Variants in SLC30A7 observed in about 807,000 individuals in gnomAD.
SLC30A7 encodes the protein zinc transporter 7.
SLC30A7 carries 35 observed loss-of-function variants against 46.0 expected under a neutral mutation model. The ratio of observed to expected loss-of-function variants is 0.76; its 90% CI spans 0.58 to 1.01. SLC30A7 has a LOEUF of 1.01. SLC30A7 is among the 50% of genes least tolerant of loss of function. The pLI, the probability that SLC30A7 is intolerant of heterozygous loss-of-function variation, is 0.00. For synonymous variants in SLC30A7, 147 were observed against 157.8 expected, an observed-to-expected ratio of 0.93 and a Z score of 0.51; for missense variants, 464 against 451.1, an observed-to-expected ratio of 1.03 and a Z score of -0.26.
intron 8 of SLC30A7, among the ~76,000 whole-genome samples, chr1:100,951,778 A>G (rs1654969359): frequency 6.6e-6 from 1 of 152,212 alleles, no homozygotes; most frequent in Non-Finnish European, 1.5e-5. Flanking sequence ...TAGGGTAAGA[A>G]GAATGGCTGG....
chr1:100,912,252 G>A lies in SLC30A7; in HGVS notation c.511+14G>A, dbSNP rs1401452764. The A allele has an allele frequency of 1.2e-6, 2 of 1,606,796 alleles. No homozygotes were observed. Among genetic ancestry groups the A allele is most frequent in the African/African-American group, 1.3e-5 (1 of 74,516 alleles). On this transcript the variant is annotated intron_variant, in intron 5 of 10. Transcript: ENST00000357650. ...CTCATGGCTCTGGTATGATGGTTAG[G>A]ACACTTTGTTTCTTCATTTTCTACT...
chr1:100,907,508 A>G (rs930571672), intron 3 of SLC30A7, among the ~76,000 whole-genome samples: 1 of 152,174 alleles, frequency 6.6e-6, no homozygotes, highest in African/African-American at 2.4e-5. Context: ...TGGAGGAAGC[A>G]GTGGATTTTT....
Position 100,971,521 on chromosome 1 carries a change from A to C in SLC30A7, c.1084-3289A>C, listed in dbSNP as rs1013458653. On this transcript the variant is annotated intron_variant, in intron 10 of 10. Coordinates refer to ENST00000357650, the MANE Select transcript of SLC30A7 (RefSeq NM_133496.5). ...TCCCTAGGTTTATTGTTTTTAAGTA[A>C]TCCATATGATTTAAGTGTTCACTGG... 3.3e-5 allele frequency among the ~76,000 whole-genome samples: 5 copies of C among 152,200 alleles called. No individual in the cohort carries two copies. In the East Asian group the frequency reaches 9.7e-4, roughly 29 times the overall value.
chr1:100,961,784 A>G, intron 8 of SLC30A7, 44 bp from the exon 9 acceptor site: 1 of 1,206,762 alleles, frequency 8.3e-7, no homozygotes, highest in Non-Finnish European at 1.2e-6. Flanking sequence ...GGATGGGATT[A>G]GCAGAATGTG....
intron 8 of SLC30A7, among the ~76,000 whole-genome samples, chr1:100,939,902 T>A (rs528723971): frequency 6.6e-6 from 1 of 151,862 alleles, no homozygotes; most frequent in African/African-American, 2.4e-5. Context: ...TTATAAAAGT[T>A]TTAAAATATT....
rs367629804 is a variant in SLC30A7, at chr1:100,965,859, G to A, written c.1024G>A (p.Val342Ile). 1.2e-6 allele frequency: 2 copies of A among 1,613,792 alleles called. No homozygotes were observed. Among genetic ancestry groups the A allele is most frequent in the African/African-American group, 2.7e-5 (2 of 74,920 alleles). ...DVYVGTLKLI[V>I]APDADARWIL... Reference sequence around the variant, plus strand: ...TTATGTTGGGACCTTGAAATTAATAGTAGCACCTGATGCTGATGCTAGGTG... The same window carrying A: ...TTATGTTGGGACCTTGAAATTAATAATAGCACCTGATGCTGATGCTAGGTG... Residue 342 changes from valine to isoleucine, a missense_variant, in exon 10 of 11, where the codon GTA becomes ATA. Coordinates refer to ENST00000357650, the MANE Select transcript of SLC30A7 (RefSeq NM_133496.5).
intron 9 of SLC30A7, 118 bp from the exon 10 acceptor site, chr1:100,965,651 T>C (rs1655816979): frequency 1.2e-6 from 1 of 810,936 alleles, no homozygotes; most frequent in South Asian, 1.6e-5. Flanking sequence ...AACATCCTCC[T>C]TTCCTTTTTT....
intron 8 of SLC30A7, chr1:100,941,558 A>G (rs745526349): frequency 7.3e-5 from 41 of 562,852 alleles, no homozygotes; most frequent in African/African-American, 1.3e-4. Flanking sequence ...CATGATTTCA[A>G]TCACTTCAGT....
At chr1:100,954,049 G>T (rs1427891639) in intron 8 of SLC30A7, among the ~76,000 whole-genome samples, 1 of 152,134 alleles carries the variant, frequency 6.6e-6, no homozygotes, top group Non-Finnish European at 1.5e-5. Flanking sequence ...TCAAACAAGG[G>T]CTGGTTTAGA....
rs561923492 is a variant in SLC30A7 at position 100,908,261 on chromosome 1, C to T, written c.296+1296C>T. 1.1e-3 allele frequency among the ~76,000 whole-genome samples: 166 copies of T among 152,178 alleles called. 1 individual carries two copies. The highest frequency in any genetic ancestry group is 3.8e-3 in the African/African-American group (156 of 41,538). Reference sequence around the variant, plus strand: ...GCTTGGCTTCTTTCTTTAGCAGGCACACACTCTTTCTTTCACATGCTCTTG... The same window carrying T: ...GCTTGGCTTCTTTCTTTAGCAGGCATACACTCTTTCTTTCACATGCTCTTG... On this transcript the variant is annotated intron_variant, in intron 3 of 10. Coordinates refer to ENST00000357650, the MANE Select transcript of SLC30A7 (RefSeq NM_133496.5).
At chr1:100,909,944 T>C (rs1324334666) in intron 3 of SLC30A7, among the ~76,000 whole-genome samples, 1 of 150,762 alleles carries the variant, frequency 6.6e-6, no homozygotes, top group Non-Finnish European at 1.5e-5. Context: ...TTGCAAATTA[T>C]TTGAATTTAA....
At chr1:100,932,998 A>G (rs1653750701) in intron 8 of SLC30A7, among the ~76,000 whole-genome samples, 1 of 141,010 alleles carries the variant, frequency 7.1e-6, no homozygotes, top group Non-Finnish European at 1.5e-5. Context: ...TTTTTTTGAG[A>G]CGGAGTCTCG....
At chr1:100,952,314 T>A (rs964356354) in intron 8 of SLC30A7, among the ~76,000 whole-genome samples, 1 of 152,238 alleles carries the variant, frequency 6.6e-6, no homozygotes, top group Non-Finnish European at 1.5e-5. Flanking sequence ...AGCTTCTCTG[T>A]GACTCAATTT....
chr1:100,902,211 C>G (rs1475723820), intron 2 of SLC30A7, among the ~76,000 whole-genome samples: 2 of 152,086 alleles, frequency 1.3e-5, no homozygotes. Flanking sequence ...GTTCTTCCAT[C>G]TCAGAAGAGG....
At chr1:100,946,885 G>A (rs1452507267) in intron 8 of SLC30A7, among the ~76,000 whole-genome samples, 1 of 152,100 alleles carries the variant, frequency 6.6e-6, no homozygotes, top group Non-Finnish European at 1.5e-5. Context: ...TTGTACCTCT[G>A]GTAGAATTCA....
the SLC30A7 span, among the ~76,000 whole-genome samples, chr1:100,994,246 A>C: frequency 6.6e-6 from 1 of 152,294 alleles, no homozygotes; most frequent in South Asian, 2.1e-4. Flanking sequence ...TGGTTTTAAC[A>C]GTTGATTTAT....
At chr1:100,916,726 T>G (rs1474496958) in intron 6 of SLC30A7, among the ~76,000 whole-genome samples, 2 of 59,568 alleles carry the variant, frequency 3.4e-5, no homozygotes, top group Admixed American at 1.7e-4. Context: ...TTTTTTTTTT[T>G]GTACCCATTA....
At chr1:100,906,259 G>C (rs190257243) in intron 2 of SLC30A7, among the ~76,000 whole-genome samples, 1 of 152,230 alleles carries the variant, frequency 6.6e-6, no homozygotes, top group Non-Finnish European at 1.5e-5. Context: ...GCTCTCACTG[G>C]TAGTTTGCTG....
chr1:100,949,057 G>C (rs1015496365), intron 8 of SLC30A7, among the ~76,000 whole-genome samples: 5 of 152,142 alleles, frequency 3.3e-5, no homozygotes, highest in Admixed American at 6.5e-5. Context: ...GTCCAGCTTT[G>C]TTCTGTTGCT....
Sources: allele counts gnomAD v4.1 joint callset (sites outside exome capture counted in the v4.1 genomes callset), GRCh38; gene constraint gnomAD v4.1.1; transcripts MANE v1.5; gene names NCBI Gene and HGNC (gene_info 2026-07-23, HGNC 2026-07-21).